Variants in RAB19 observed in about 807,000 individuals in gnomAD.
RAB19 encodes RAB19, member RAS oncogene family, also known as ras-related protein Rab-19.
RAB19 carries 21 observed loss-of-function variants against 17.3 expected under a neutral mutation model. That is an observed-to-expected ratio of 1.21 (90% confidence interval 0.86 to 1.74). RAB19 has a LOEUF of 1.74. Ranked by LOEUF, RAB19 falls within the 40% of genes most tolerant of loss-of-function variation. The probability of loss-of-function intolerance (pLI) is 0.00; values close to 1 mark genes in which losing one functional copy is unlikely to be tolerated. For missense variants in RAB19, 277 were observed against 286.8 expected, an observed-to-expected ratio of 0.97 and a Z score of 0.25; for synonymous variants, 126 against 110.4, an observed-to-expected ratio of 1.14 and a Z score of -0.88.
intron 1 of RAB19, among the ~76,000 whole-genome samples, chr7:140,405,699 TAAAAACA>T (rs1172029144): frequency 2.1e-5 from 3 of 144,906 alleles, no homozygotes; most frequent in African/African-American, 7.7e-5. Context: ...ATTTTAAAGT[TAAAAACA>T]CAAAACACAA....
At chr7:140,419,480 A>T (rs1461427717) in intron 3 of RAB19, among the ~76,000 whole-genome samples, 1 of 152,132 alleles carries the variant, frequency 6.6e-6, no homozygotes, top group South Asian at 2.1e-4. Context: ...ATGTGGCTGT[A>T]ATCTATTCTT....
chr7:140,424,586 C>CCTCTCTCT (rs376517516), intron 3 of RAB19, among the ~76,000 whole-genome samples: 19 of 127,634 alleles, frequency 1.5e-4, no homozygotes, highest in African/African-American at 5.0e-4. Context: ...TGGACCTCTC[C>CCTCTCTCT]CTCTCTCTCT....
Position 140,415,081 on chromosome 7 carries a change from C to CTT in RAB19, c.385+3034_385+3035dup, listed in dbSNP as rs201147147. Among the ~76,000 whole-genome samples, 123 of 144,102 alleles carry CTT rather than the reference C, an allele frequency of 8.5e-4. 2 individuals are homozygous for CTT. In the East Asian group the frequency reaches 0.024, roughly 28 times the overall value. The allele number at this position is 144,102 out of a possible 152,430, so 94.5% of individuals were successfully genotyped here. ...CTTTTTTTTTCTTTTCTTTTCTTTT[C>CTT]TTTTTTTTTTTGAGACAGGGTCTTG... On this transcript the variant is annotated intron_variant, in intron 3 of 3. Coordinates refer to ENST00000537763, the MANE Select transcript of RAB19 (RefSeq NM_001008749.3).
Position 140,426,822 on chromosome 7 carries a change from T to G in RAB19, c.*672T>G, listed in dbSNP as rs186888389. Among the ~76,000 whole-genome samples, 368 of 149,998 alleles carry G rather than the reference T, an allele frequency of 2.5e-3. 3 individuals carry two copies. Among genetic ancestry groups the G allele is most frequent in the African/African-American group, 8.5e-3 (343 of 40,504 alleles). On this transcript the variant is annotated 3_prime_UTR_variant, in exon 4 of 4. Coordinates refer to ENST00000537763, the MANE Select transcript of RAB19 (RefSeq NM_001008749.3). ...CCCTCTTGGGATAGGGGAAGACACC[T>G]GCAATTTTTTTTCTTTCTTTTTTTT...
intron 3 of RAB19, among the ~76,000 whole-genome samples, chr7:140,419,436 C>G (rs182648650): frequency 7.9e-5 from 12 of 152,208 alleles, no homozygotes; most frequent in African/African-American, 2.6e-4. Context: ...GTTTCTTTCC[C>G]TCAATATTGT....
chr7:140,411,971 C>G lies in RAB19; in HGVS notation c.299C>G (p.Thr100Ser), dbSNP rs1485406638. Residue 100 changes from threonine to serine, a missense_variant, in exon 3 of 4, where the codon ACC becomes AGC. Transcript: ENST00000537763. ...AHAAIIAYDL[T>S]RRSTFESIPH... ...GCAGCCATCATCGCCTATGACCTCA[C>G]CCGGCGGTCCACGTTCGAGTCCATC... The G allele has an allele frequency of 1.9e-6, 3 of 1,614,060 alleles. No individual in the cohort carries two copies. The highest frequency in any genetic ancestry group is 2.7e-5 in the African/African-American group (2 of 74,922).
chr7:140,419,816 C>G (rs1227802865), intron 3 of RAB19, among the ~76,000 whole-genome samples: 2 of 152,154 alleles, frequency 1.3e-5, no homozygotes, highest in African/African-American at 4.8e-5. Context: ...AGTCCTTTTA[C>G]TTCCATGCAT....
At position 140,407,764 on chromosome 7, in the gene RAB19, G is replaced by A; in HGVS notation, c.118G>A (p.Gly40Arg). 1.2e-6 allele frequency: 2 copies of A among 1,613,952 alleles called. No individual in the cohort carries two copies. Among genetic ancestry groups the A allele is most frequent in the Non-Finnish European group, 1.7e-6 (2 of 1,179,998 alleles). The change falls in exon 2 of 4, where the codon GGA becomes AGA. Residue 40 changes from glycine to arginine, a missense_variant. Physicochemically the swap from Gly to Arg is moderately radical, Grantham distance 125 (BLOSUM62 -2). Transcript: ENST00000537763. ...GTGTGTGGTGCAGCATTTCAAGTCT[G>A]GAGTCTACACTGAGACACAGCAGAA... ...KTCVVQHFKS[G>R]VYTETQQNTI...
intron 1 of RAB19, among the ~76,000 whole-genome samples, chr7:140,404,884 T>C (rs1202822671): frequency 6.6e-6 from 1 of 152,128 alleles, no homozygotes; most frequent in Non-Finnish European, 1.5e-5. Context: ...GGAACAGGAA[T>C]GTGATGTGTC....
In RAB19 at chr7:140,426,005, A is replaced by T; in HGVS notation, c.509A>T (p.Glu170Val). Residue 170 changes from glutamate (E) to valine (V), a missense_variant, in exon 4 of 4, where the codon GAA becomes GTA. Coordinates refer to ENST00000537763, the MANE Select transcript of RAB19 (RefSeq NM_001008749.3). ...TSAKESKNIEEVFVLMAKELI... is the reference protein window; with the variant it reads ...TSAKESKNIEVVFVLMAKELI... Reference sequence around the variant, plus strand: ...GCCAAGGAGTCAAAGAACATAGAAGAAGTCTTCGTGCTCATGGCCAAGGAG... The same window carrying T: ...GCCAAGGAGTCAAAGAACATAGAAGTAGTCTTCGTGCTCATGGCCAAGGAG... 1.2e-5 allele frequency: 20 copies of T among 1,614,114 alleles called. No individual in the cohort carries two copies. The highest frequency in any genetic ancestry group is 1.7e-5 in the Non-Finnish European group (20 of 1,180,018).
At chr7:140,417,579 C>T (rs1018146728) in intron 3 of RAB19, among the ~76,000 whole-genome samples, 7 of 152,136 alleles carry the variant, frequency 4.6e-5, no homozygotes, top group African/African-American at 1.2e-4. Context: ...TAAAAACACA[C>T]GCATGGTTCT....
At position 140,407,180 on chromosome 7, in the gene RAB19, C is replaced by T. The variant is rs6946465; in HGVS notation, c.-23-444C>T. Among the ~76,000 whole-genome samples, 1,019 of 152,248 alleles carry T rather than the reference C, an allele frequency of 6.7e-3. 12 individuals carry two copies. Among genetic ancestry groups the T allele is most frequent in the African/African-American group, 0.023 (964 of 41,534 alleles). Reference sequence around the variant, plus strand: ...GATTACAGGCATGAGCCATCGTGCACGGCCTGGATGGTCAGTCTTACAGCA... The same window carrying T: ...GATTACAGGCATGAGCCATCGTGCATGGCCTGGATGGTCAGTCTTACAGCA... On this transcript the variant is annotated intron_variant, in intron 1 of 3. Transcript: ENST00000537763.
At chr7:140,409,040 G>A (rs199662817) in intron 2 of RAB19, among the ~76,000 whole-genome samples, 4 of 152,144 alleles carry the variant, frequency 2.6e-5, no homozygotes, top group Non-Finnish European at 5.9e-5. Context: ...GATTACAGGC[G>A]TGAGCCACCA....
chr7:140,415,876 A>C (rs954367296), intron 3 of RAB19, among the ~76,000 whole-genome samples: 11 of 148,752 alleles, frequency 7.4e-5, no homozygotes, highest in Non-Finnish European at 1.5e-5. Flanking sequence ...GTGCACTCCA[A>C]CCTGGGTGAC....
At chr7:140,424,102 G>T (rs548574118) in intron 3 of RAB19, among the ~76,000 whole-genome samples, 1 of 148,458 alleles carries the variant, frequency 6.7e-6, no homozygotes. Flanking sequence ...TGATCCACCC[G>T]CCTCGGCTTC....
intron 3 of RAB19, 126 bp from the exon 4 acceptor site, chr7:140,425,756 C>T (rs1033125534): frequency 9.7e-7 from 1 of 1,029,014 alleles, no homozygotes; most frequent in Non-Finnish European, 1.4e-6. Context: ...AATGTGCCCT[C>T]AATGACCATT....
intron 3 of RAB19, among the ~76,000 whole-genome samples, chr7:140,416,985 G>A (rs1799469132): frequency 2.0e-5 from 3 of 151,898 alleles, no homozygotes; most frequent in South Asian, 4.2e-4. Context: ...CAGCACTTTG[G>A]GAGGCCGAGG....
At position 140,421,013 on chromosome 7, in the gene RAB19, C is replaced by T. The variant is rs528930201; in HGVS notation, c.386-4869C>T. 2.6e-5 allele frequency among the ~76,000 whole-genome samples: 4 copies of T among 152,082 alleles called. No homozygotes were observed. The South Asian group carries it at 8.3e-4, about 32-fold the overall frequency. On this transcript the variant is annotated intron_variant, in intron 3 of 3. Transcript: ENST00000537763. The stretch of plus-strand genomic sequence containing the variant: ...GTTCAAGCAATTCTCCTGCCTCAGC[C>T]TCCTGAGTAGCTGGGATTATAGGCG...
chr7:140,422,065 A>T (rs897289531), intron 3 of RAB19, among the ~76,000 whole-genome samples: 1 of 152,078 alleles, frequency 6.6e-6, no homozygotes, highest in Non-Finnish European at 1.5e-5. Context: ...CTGTATAAAG[A>T]TCTAATTGTC....
Sources: allele counts gnomAD v4.1 joint callset (sites outside exome capture counted in the v4.1 genomes callset), GRCh38; gene constraint gnomAD v4.1.1; transcripts MANE v1.5; gene names NCBI Gene and HGNC (gene_info 2026-07-23, HGNC 2026-07-21).